The following FAM53A variants were observed in gnomAD, a reference collection of about 807,000 sequenced individuals.
The protein encoded by FAM53A is family with sequence similarity 53 member A.
Under a neutral mutation model 26.6 loss-of-function variants are expected in FAM53A, and 28 were observed. The ratio of observed to expected loss-of-function variants is 1.05; its 90% CI spans 0.78 to 1.45. The LOEUF (loss-of-function observed/expected upper bound fraction) is 1.45. FAM53A is among the 40% of genes most tolerant of loss of function. The pLI, the probability that FAM53A is intolerant of heterozygous loss-of-function variation, is 0.00. For synonymous variants in FAM53A, 290 were observed against 253.1 expected (o/e 1.15, Z -1.38); for missense variants, 650 against 575.8 (o/e 1.13, Z -1.32).
chr4:1,632,833 T>C (rs891982634), intron 1 of FAM53A, among the ~76,000 whole-genome samples: 2 of 152,168 alleles, frequency 1.3e-5, no homozygotes, highest in African/African-American at 2.4e-5. Flanking sequence ...CACCTGCAAA[T>C]ACCTGTGGAC....
chr4:1,577,266 C>A, the FAM53A span, among the ~76,000 whole-genome samples: 1 of 152,180 alleles, frequency 6.6e-6, no homozygotes, highest in Admixed American at 6.5e-5. Context: ...ATGGACCTGC[C>A]CCCTCCAGGA....
chr4:1,611,935 C>T, the FAM53A span, among the ~76,000 whole-genome samples: 3 of 152,200 alleles, frequency 2.0e-5, no homozygotes, highest in South Asian at 2.1e-4. Context: ...AGCCATTGAC[C>T]GGCGGCATTG....
chr4:1,664,053 C>T (rs980402860), intron 2 of FAM53A, among the ~76,000 whole-genome samples: 3 of 152,130 alleles, frequency 2.0e-5, no homozygotes, highest in Non-Finnish European at 4.4e-5. Context: ...CTCCAAGGAG[C>T]ACCCTATGGG....
rs566170332 is a variant in FAM53A at position 1,623,867 on chromosome 4, G to A, written c.432-5756C>T. On this transcript the variant is annotated intron_variant, in intron 1 of 1. Coordinates refer to the FAM53A transcript ENST00000489029. ...GGAGAAAAAAGTTGAGGAGGGTGGC[G>A]TTGATGGGCTCCCTCTCTGGCGGGC... Among the ~76,000 whole-genome samples the A allele has an allele frequency of 3.1e-4, 47 of 152,332 alleles. 1 individual carries two copies. Among genetic ancestry groups the A allele is most frequent in the East Asian group, 5.8e-4 (3 of 5,172 alleles).
the FAM53A span, among the ~76,000 whole-genome samples, chr4:1,610,323 C>T: frequency 1.3e-5 from 2 of 152,136 alleles, no homozygotes; most frequent in Non-Finnish European, 2.9e-5. Context: ...AGCTGCCTGC[C>T]GGAAGACCTG....
At chr4:1,610,972 G>A in the FAM53A span, among the ~76,000 whole-genome samples, 1 of 152,222 alleles carries the variant, frequency 6.6e-6, no homozygotes, top group Non-Finnish European at 1.5e-5. Flanking sequence ...CCTGCTCCAG[G>A]GCACAGCCCT....
At chr4:1,581,713 G>A in the FAM53A span, among the ~76,000 whole-genome samples, 2 of 152,138 alleles carry the variant, frequency 1.3e-5, no homozygotes, top group African/African-American at 4.8e-5. Context: ...CTCCTGCCCA[G>A]GCTCCCAAGT....
intron 2 of FAM53A, among the ~76,000 whole-genome samples, chr4:1,661,931 C>G (rs1187139726): frequency 6.6e-6 from 1 of 152,162 alleles, no homozygotes; most frequent in Non-Finnish European, 1.5e-5. Context: ...TCCAGGGAAG[C>G]ATGCTGATGG....
At chr4:1,583,756 G>A in the FAM53A span, among the ~76,000 whole-genome samples, 1 of 152,208 alleles carries the variant, frequency 6.6e-6, no homozygotes, top group Non-Finnish European at 1.5e-5. Flanking sequence ...GTGGGCACCT[G>A]CCTGCTTTCA....
chr4:1,595,654 G>C, the FAM53A span, among the ~76,000 whole-genome samples: 11 of 152,232 alleles, frequency 7.2e-5, no homozygotes, highest in Admixed American at 1.3e-4. Flanking sequence ...AGCCTGGCAG[G>C]ACACTTGGAG....
intron 4 of FAM53A, among the ~76,000 whole-genome samples, chr4:1,645,996 G>A (rs937655842): frequency 6.6e-6 from 1 of 152,050 alleles, no homozygotes; most frequent in African/African-American, 2.4e-5. Context: ...TATCTCCTCC[G>A]CCAGGTGAGG....
intron 1 of FAM53A, among the ~76,000 whole-genome samples, chr4:1,633,989 G>A (rs536870849): frequency 2.3e-4 from 35 of 152,284 alleles, no homozygotes. Flanking sequence ...CTGGGGGAGC[G>A]CCCGGGGTTT....
chr4:1,612,682 A>C, the FAM53A span, among the ~76,000 whole-genome samples: 4 of 152,230 alleles, frequency 2.6e-5, no homozygotes, highest in African/African-American at 7.2e-5. Flanking sequence ...GTGTGCTCAC[A>C]CTGACACACG....
chr4:1,662,520 C>G (rs1316077342), intron 2 of FAM53A, among the ~76,000 whole-genome samples: 1 of 136,732 alleles, frequency 7.3e-6, no homozygotes, highest in Non-Finnish European at 1.5e-5. Flanking sequence ...TGTGGTCACA[C>G]ATGTCTGTAG....
chr4:1,583,626 G>A, the FAM53A span, among the ~76,000 whole-genome samples: 3 of 152,258 alleles, frequency 2.0e-5, no homozygotes, highest in Admixed American at 2.0e-4. Flanking sequence ...AGCAGCTCAG[G>A]TGGAGCCATC....
the FAM53A span, among the ~76,000 whole-genome samples, chr4:1,604,008 T>C: frequency 6.6e-6 from 1 of 152,164 alleles, no homozygotes; most frequent in South Asian, 2.1e-4. Context: ...GCCTCCAGCC[T>C]GCCAGAAAAG....
At chr4:1,580,270 G>C in the FAM53A span, 1 of 152,224 alleles carries the variant, frequency 6.6e-6, no homozygotes, top group African/African-American at 2.4e-5. Flanking sequence ...CAACCGCGGA[G>C]GCCAGGCAGC....
intron 1 of FAM53A, chr4:1,618,239 G>C: frequency 2.3e-6 from 1 of 437,934 alleles, no homozygotes; most frequent in Non-Finnish European, 4.6e-6. Flanking sequence ...CACGGCAGGG[G>C]TGCATCCAGG....
intron 4 of FAM53A, among the ~76,000 whole-genome samples, chr4:1,649,960 G>A (rs1195169958): frequency 5.5e-5 from 6 of 108,818 alleles, no homozygotes; most frequent in Admixed American, 2.6e-4. Context: ...CAGGCGTGGC[G>A]TTTGACTGTG....
Sources: allele counts gnomAD v4.1 joint callset (sites outside exome capture counted in the v4.1 genomes callset), GRCh38; gene constraint gnomAD v4.1.1; transcripts MANE v1.5; gene names NCBI Gene and HGNC (gene_info 2026-07-23, HGNC 2026-07-21).